The following KCNC1 variants were observed in gnomAD, a reference collection of about 807,000 sequenced individuals.
KCNC1 encodes potassium voltage-gated channel subfamily C member 1.
Under a neutral mutation model 43.4 loss-of-function variants are expected in KCNC1, and 8 were observed. That is an observed-to-expected ratio of 0.18 (90% CI 0.11 to 0.33). The LOEUF is 0.33. KCNC1 is among the 10% of genes least tolerant of loss of function. The pLI, the probability that KCNC1 is intolerant of heterozygous loss-of-function variation, is 1.00. For synonymous variants in KCNC1, 361 were observed against 360.5 expected, an observed-to-expected ratio of 1.00 and a Z score of -0.01; for missense variants, 420 against 836.0, an observed-to-expected ratio of 0.50 and a Z score of 6.14.
chr11:17,757,776 G>T (rs1849037362), intron 1 of KCNC1, among the ~76,000 whole-genome samples: 1 of 152,212 alleles, frequency 6.6e-6, no homozygotes, highest in Non-Finnish European at 1.5e-5. Context: ...GTCTAAAAAT[G>T]TACATATCTT....
intron 2 of KCNC1, chr11:17,775,003 C>T: frequency 1.0e-6 from 1 of 985,380 alleles, no homozygotes; most frequent in Non-Finnish European, 1.2e-6. Context: ...CCCCAGAGTT[C>T]TTCCCATTCA....
At chr11:17,748,410 C>T (rs1848926710) in intron 1 of KCNC1, among the ~76,000 whole-genome samples, 1 of 149,954 alleles carries the variant, frequency 6.7e-6, no homozygotes, top group South Asian at 2.1e-4. Flanking sequence ...TCCACACAGA[C>T]AGAAAGATGG....
chr11:17,755,534 C>T (rs1849014244), intron 1 of KCNC1, among the ~76,000 whole-genome samples: 1 of 151,958 alleles, frequency 6.6e-6, no homozygotes, highest in South Asian at 2.1e-4. Flanking sequence ...GATGCTGGGT[C>T]TATTTTTCAA....
chr11:17,767,209 C>T (rs1325454721), intron 1 of KCNC1, among the ~76,000 whole-genome samples: 6 of 148,448 alleles, frequency 4.0e-5, no homozygotes, highest in South Asian at 2.1e-4. Context: ...GGTGGGAACC[C>T]GGGAGGCGGA....
intron 1 of KCNC1, among the ~76,000 whole-genome samples, chr11:17,763,556 AC>A (rs2133797618): frequency 1.2e-5 from 1 of 86,942 alleles, no homozygotes; most frequent in Admixed American, 1.3e-4. Context: ...CCCCCACACC[AC>A]CCCACACATG....
At chr11:17,762,369 G>T (rs1454726081) in intron 1 of KCNC1, among the ~76,000 whole-genome samples, 2 of 152,246 alleles carry the variant, frequency 1.3e-5, no homozygotes, top group African/African-American at 4.8e-5. Flanking sequence ...GTCCACCGGA[G>T]CTTCAAGGTG....
In KCNC1 at chr11:17,771,500, C is replaced by T. The variant is rs1054518303; in HGVS notation, c.571-165C>T. 1.3e-5 allele frequency among the ~76,000 whole-genome samples: 2 copies of T among 152,172 alleles called. No individual in the cohort carries two copies. The highest frequency in any genetic ancestry group is 2.4e-5 in the African/African-American group (1 of 41,432). On this transcript the variant is annotated intron_variant, in intron 1 of 3. Transcript: ENST00000265969. This position sits in a 1 kb window ranked among gnomAD's most constrained non-coding sequence, Gnocchi z 4.7. ...AGGAGGGTTTTAGAGCCTGCCCTGA[C>T]GGTCGTGCAGGCCCCCTGTGCCCTG...
intron 1 of KCNC1, among the ~76,000 whole-genome samples, chr11:17,767,386 C>T (rs543030383): frequency 7.2e-5 from 11 of 152,308 alleles, no homozygotes; most frequent in African/African-American, 1.2e-4. Context: ...GCTTAGTCCC[C>T]GAACCTTTCT....
At chr11:17,761,341 G>A (rs1849075778) in intron 1 of KCNC1, among the ~76,000 whole-genome samples, 1 of 152,152 alleles carries the variant, frequency 6.6e-6, no homozygotes, top group African/African-American at 2.4e-5. Context: ...TCACCTCTTG[G>A]TAATTTGTGA....
intron 1 of KCNC1, among the ~76,000 whole-genome samples, chr11:17,752,479 A>G (rs997314746): frequency 6.6e-6 from 1 of 152,210 alleles, no homozygotes; most frequent in Non-Finnish European, 1.5e-5. Context: ...AAAGCTCCAC[A>G]TGCAAACATG....
At chr11:17,758,834 A>G (rs1849047463) in intron 1 of KCNC1, among the ~76,000 whole-genome samples, 1 of 152,236 alleles carries the variant, frequency 6.6e-6, no homozygotes, top group African/African-American at 2.4e-5. Flanking sequence ...GAGCACAGGC[A>G]GAGTAGATTT....
intron 1 of KCNC1, among the ~76,000 whole-genome samples, chr11:17,763,048 C>T (rs370586752): frequency 6.6e-6 from 1 of 152,212 alleles, no homozygotes; most frequent in Non-Finnish European, 1.5e-5. Context: ...ACCCCTGCCA[C>T]CTCGGGATGG....
chr11:17,768,299 T>C lies in KCNC1; in HGVS notation c.571-3366T>C, dbSNP rs113852445. ...CAGGAGCACTCTCCAGCAGAAGGAA[T>C]AGCAGGTACAAAACCACGGAGGTGG... is the stretch of plus-strand genomic sequence containing the variant. On this transcript the variant is annotated intron_variant, in intron 1 of 3. Transcript: ENST00000265969. Among the ~76,000 whole-genome samples, 801 of 152,236 alleles carry C rather than the reference T, an allele frequency of 5.3e-3. 8 individuals are homozygous for C. The highest frequency in any genetic ancestry group is 0.019 in the African/African-American group (769 of 41,552).
At position 17,736,164 on chromosome 11, in the gene KCNC1, GTTC is replaced by G. The variant is rs2133774127; in HGVS notation, c.169_171del (p.Phe57del). 6.2e-7 allele frequency: 1 copy of G among 1,613,596 alleles called. No homozygotes were observed. Among genetic ancestry groups the G allele is most frequent in the Non-Finnish European group, 8.5e-7 (1 of 1,179,782 alleles). ...TCGACTATGACCCGCGTGCTGACGAGTTCTTCTTCGACCGCCACCCCGGCGTCT... is the reference window on the plus strand; with the variant it reads ...TCGACTATGACCCGCGTGCTGACGAGTTCTTCGACCGCCACCCCGGCGTCT... On this transcript the variant is annotated inframe_deletion, in exon 1 of 4. Transcript: ENST00000265969. The surrounding 1 kb of genome is among the most constrained non-coding windows in gnomAD (Gnocchi z 9.3).
intron 2 of KCNC1, chr11:17,772,801 C>T: frequency 1.4e-6 from 2 of 1,449,560 alleles, no homozygotes; most frequent in South Asian, 1.6e-5. Context: ...AGGAACCTCA[C>T]TGGTGCCCCT....
At chr11:17,775,977 C>T (rs1849281968) in intron 2 of KCNC1, 1 of 985,322 alleles carries the variant, frequency 1.0e-6, no homozygotes, top group East Asian at 1.1e-4. Flanking sequence ...GTGGTGCTAT[C>T]CATGGAGGGG....
rs951348227 is a variant in KCNC1 at position 17,735,065 on chromosome 11, A to C, written c.-938A>C. On this transcript the variant is annotated 5_prime_UTR_variant, in exon 1 of 4. Transcript: ENST00000265969. This position sits in a 1 kb window ranked among gnomAD's most constrained non-coding sequence, Gnocchi z 6.7. ...CCGGCCCCGCAAATCAAACCCAGCC[A>C]GGAGAACCCCCGCCTGGCCCCGTGC... 6.6e-6 allele frequency: 1 copy of C among 151,900 alleles called. No individual in the cohort carries two copies. The allele number at this position is 151,900 out of a possible 1,614,324, so 9.4% of individuals were successfully genotyped here.
At chr11:17,747,888 C>T (rs902398060) in intron 1 of KCNC1, among the ~76,000 whole-genome samples, 4 of 152,228 alleles carry the variant, frequency 2.6e-5, no homozygotes, top group African/African-American at 7.2e-5. Context: ...CCTCTTCCTT[C>T]CCCAGTGCAA....
chr11:17,758,894 G>A (rs1173986636), intron 1 of KCNC1, among the ~76,000 whole-genome samples: 1 of 152,156 alleles, frequency 6.6e-6, no homozygotes, highest in Non-Finnish European at 1.5e-5. Context: ...AGTGAGTATT[G>A]GCTTCAACTT....
Sources: gnomAD v4.1 joint callset for allele counts (sites outside exome capture counted in the v4.1 genomes callset) on GRCh38, gnomAD v4.1.1 for gene constraint, Gnocchi (gnomAD v3.1) non-coding constraint, MANE v1.5 for transcripts, NCBI Gene and HGNC (gene_info 2026-07-23, HGNC 2026-07-21) for gene names.